Variants in ELMO1 observed in about 807,000 individuals in gnomAD.
The protein encoded by ELMO1 is engulfment and cell motility protein 1.
ELMO1 carries 26 observed loss-of-function variants against 98.9 expected under a neutral mutation model. That is an observed-to-expected ratio of 0.26 (90% CI 0.19 to 0.36). The LOEUF (loss-of-function observed/expected upper bound fraction) is 0.36, where lower values mean the gene tolerates loss of function less well. ELMO1 is among the 10% of genes least tolerant of loss of function. The pLI is 1.00. For missense variants in ELMO1, 627 were observed against 935.2 expected (o/e 0.67, Z 4.30); for synonymous variants, 346 against 346.0 (o/e 1.00, Z 0.00).
chr7:36,913,029 C>G (rs566987354), intron 16 of ELMO1, among the ~76,000 whole-genome samples: 1 of 152,286 alleles, frequency 6.6e-6, no homozygotes, highest in Non-Finnish European at 1.5e-5. Flanking sequence ...ATCTCCAAAG[C>G]ACTTATTAGC....
intron 6 of ELMO1, among the ~76,000 whole-genome samples, chr7:37,251,982 T>C (rs182898570): frequency 2.0e-5 from 3 of 152,292 alleles, no homozygotes; most frequent in South Asian, 2.1e-4. Flanking sequence ...CTATTCACAA[T>C]TGCTACAAAG....
intron 16 of ELMO1, among the ~76,000 whole-genome samples, chr7:36,951,136 A>G (rs1166329631): frequency 2.0e-5 from 3 of 152,194 alleles, no homozygotes; most frequent in Non-Finnish European, 4.4e-5. Context: ...GGACCTGTGT[A>G]TCAGCCTCCT....
chr7:36,948,669 C>G (rs1787716904), intron 16 of ELMO1, among the ~76,000 whole-genome samples: 1 of 152,200 alleles, frequency 6.6e-6, no homozygotes. Flanking sequence ...AACCCTACAA[C>G]TATCTCCTTC....
intron 6 of ELMO1, among the ~76,000 whole-genome samples, chr7:37,245,009 A>T (rs1794927282): frequency 1.3e-5 from 2 of 152,316 alleles, no homozygotes; most frequent in African/African-American, 4.8e-5. Flanking sequence ...ATATGAAGAA[A>T]CAAGTGTTTC....
At chr7:36,881,688 G>A (rs1161236311) in intron 18 of ELMO1, among the ~76,000 whole-genome samples, 2 of 152,136 alleles carry the variant, frequency 1.3e-5, no homozygotes, top group African/African-American at 4.8e-5. Context: ...GGATAAGAGG[G>A]AAGAGCTGCT....
At chr7:37,076,214 C>T (rs937181178) in intron 15 of ELMO1, among the ~76,000 whole-genome samples, 2 of 152,140 alleles carry the variant, frequency 1.3e-5, no homozygotes, top group Non-Finnish European at 2.9e-5. Context: ...GAGAGTAATC[C>T]ATTTGACTGC....
At chr7:37,275,735 A>T (rs1288367745) in intron 4 of ELMO1, among the ~76,000 whole-genome samples, 1 of 152,212 alleles carries the variant, frequency 6.6e-6, no homozygotes, top group Admixed American at 6.5e-5. Flanking sequence ...CTTTTAAATC[A>T]GTGTCTTGTA....
At chr7:37,407,837 T>C (rs1462818640) in intron 1 of ELMO1, among the ~76,000 whole-genome samples, 1 of 152,174 alleles carries the variant, frequency 6.6e-6, no homozygotes, top group Non-Finnish European at 1.5e-5. Flanking sequence ...TGAATAATAA[T>C]GTATCAATAT....
At position 36,968,226 on chromosome 7, in the gene ELMO1, CAT is replaced by C. The variant is rs145354055; in HGVS notation, c.1437+45071_1437+45072del. On this transcript the variant is annotated intron_variant, in intron 16 of 21. Transcript: ENST00000310758. ...TAATATCATCAGCTCACTCCAATGACATGAGTCTTCCTAAAGTCTCTCTTAAA... is the reference window on the plus strand; with the variant it reads ...TAATATCATCAGCTCACTCCAATGACGAGTCTTCCTAAAGTCTCTCTTAAA... Among the ~76,000 whole-genome samples, 43 of 152,268 alleles carry C rather than the reference CAT, an allele frequency of 2.8e-4. No homozygotes were observed. The East Asian group carries it at 8.1e-3, about 29-fold the overall frequency.
At chr7:37,147,041 G>A (rs1017195077) in intron 13 of ELMO1, among the ~76,000 whole-genome samples, 3 of 151,726 alleles carry the variant, frequency 2.0e-5, no homozygotes, top group Non-Finnish European at 2.9e-5. Context: ...TGGTGACTAG[G>A]AATATGGGGT....
Position 36,984,267 on chromosome 7 carries a change from A to G in ELMO1, c.1437+29032T>C, listed in dbSNP as rs766211419. ...GGCAGAATTCTCAATGTATCCAGCC[A>G]TCTGGAGCCTCATGGGATCAGAGAG... On this transcript the variant is annotated intron_variant, in intron 16 of 21. Coordinates refer to ENST00000310758, the MANE Select transcript of ELMO1 (RefSeq NM_014800.11). Among the ~76,000 whole-genome samples, 49 of 152,358 alleles carry G rather than the reference A, an allele frequency of 3.2e-4. No individual in the cohort carries two copies. In the Middle Eastern group the frequency reaches 0.01, roughly 32 times the overall value.
intron 14 of ELMO1, among the ~76,000 whole-genome samples, chr7:37,105,462 A>G (rs572186705): frequency 1.2e-4 from 18 of 152,326 alleles, no homozygotes; most frequent in Admixed American, 9.8e-4. Context: ...GCTTTACTCC[A>G]GGTTTATTTA....
intron 15 of ELMO1, among the ~76,000 whole-genome samples, chr7:37,092,346 CA>C (rs1257168399): frequency 7.8e-6 from 1 of 128,994 alleles, no homozygotes; most frequent in Non-Finnish European, 1.7e-5. Context: ...CTATCACTTG[CA>C]AAAAAAATTA....
chr7:36,967,179 A>G (rs1789513211), intron 16 of ELMO1, among the ~76,000 whole-genome samples: 1 of 152,218 alleles, frequency 6.6e-6, no homozygotes, highest in African/African-American at 2.4e-5. Context: ...TCTCTAAAAT[A>G]TAAGAAATAC....
chr7:37,433,083 G>A (rs1190216176), intron 1 of ELMO1, among the ~76,000 whole-genome samples: 1 of 152,146 alleles, frequency 6.6e-6, no homozygotes. Context: ...AACACCCAGA[G>A]GCTCCTCAAC....
At chr7:36,925,785 C>T (rs1278409605) in intron 16 of ELMO1, among the ~76,000 whole-genome samples, 2 of 152,198 alleles carry the variant, frequency 1.3e-5, no homozygotes, top group East Asian at 3.8e-4. Flanking sequence ...ATCACCTACT[C>T]GTAATTTTCT....
chr7:37,206,111 C>G (rs992548825), intron 13 of ELMO1, among the ~76,000 whole-genome samples: 1 of 152,160 alleles, frequency 6.6e-6, no homozygotes, highest in African/African-American at 2.4e-5. Flanking sequence ...CACGGTGTCA[C>G]AGAGCACTGG....
intron 5 of ELMO1, chr7:37,270,191 AT>A (rs1161631066): frequency 6.6e-6 from 1 of 152,214 alleles, no homozygotes; most frequent in Non-Finnish European, 1.5e-5. Flanking sequence ...AAGAAGACCA[AT>A]GCAAAGTCAG....
intron 16 of ELMO1, among the ~76,000 whole-genome samples, chr7:36,962,551 A>T (rs897888180): frequency 6.6e-6 from 1 of 151,992 alleles, no homozygotes; most frequent in African/African-American, 2.4e-5. Context: ...GGCATTTTTC[A>T]GGAGGAAGAA....
Sources: allele counts gnomAD v4.1 joint callset (sites outside exome capture counted in the v4.1 genomes callset), GRCh38; gene constraint gnomAD v4.1.1; transcripts MANE v1.5; gene names NCBI Gene and HGNC (gene_info 2026-07-23, HGNC 2026-07-21).